The following SLC44A1 variants were observed in gnomAD, a reference collection of about 807,000 sequenced individuals.
SLC44A1 encodes the protein solute carrier family 44 member 1.
In SLC44A1, 26 loss-of-function variants were observed where a neutral mutation model predicts 79.3. The ratio of observed to expected loss-of-function variants is 0.33; its 90% CI spans 0.24 to 0.46. SLC44A1 has a LOEUF of 0.46. Ranked by LOEUF, SLC44A1 falls within the 20% of genes least tolerant of loss-of-function variation. SLC44A1 has a pLI of 1.00. For missense variants in SLC44A1, 688 were observed against 798.1 expected (o/e 0.86, Z 1.66); for synonymous variants, 263 against 286.2 (o/e 0.92, Z 0.82).
Position 105,358,430 on chromosome 9 carries a change from C to A in SLC44A1, c.757C>A (p.Leu253Ile). ...AACGATTCTGGTCATACTCGGTTCACTTGGTAAGCTATTTATTTCTTTGTT... is the reference window on the plus strand; with the variant it reads ...AACGATTCTGGTCATACTCGGTTCAATTGGTAAGCTATTTATTTCTTTGTT... ...ILTILVILGS[L>I]GGTGVLWWLY... The change falls in exon 7 of 16, where the codon CTT becomes ATT. Residue 253 changes from leucine (L) to isoleucine (I), a missense_variant. Transcript: ENST00000374720. 4 of 1,542,714 alleles carry A rather than the reference C, an allele frequency of 2.6e-6. No individual in the cohort carries two copies. The highest frequency in any genetic ancestry group is 3.6e-6 in the Non-Finnish European group (4 of 1,115,868).
At chr9:105,288,585 G>T (rs1830530189) in intron 1 of SLC44A1, among the ~76,000 whole-genome samples, 1 of 152,188 alleles carries the variant, frequency 6.6e-6, no homozygotes, top group African/African-American at 2.4e-5. Context: ...CTGGGATTAA[G>T]CGATCCTCTA....
At chr9:105,324,775 T>C (rs1469342730) in intron 3 of SLC44A1, among the ~76,000 whole-genome samples, 2 of 152,144 alleles carry the variant, frequency 1.3e-5, no homozygotes, top group Non-Finnish European at 2.9e-5. Flanking sequence ...TCATTAGCTA[T>C]CAAGAAATGC....
At chr9:105,400,330 A>C (rs1004267926), downstream of SLC44A1, among the ~76,000 whole-genome samples, 1 of 151,838 alleles carries the variant, frequency 6.6e-6, no homozygotes, top group Non-Finnish European at 1.5e-5. Context: ...CTCTACTAAA[A>C]ATACAAAAAT....
rs1199288809 is a variant in SLC44A1 at position 105,374,682 on chromosome 9, T to C, written c.1579T>C (p.Leu527=). 6.2e-7 allele frequency: 1 copy of C among 1,613,410 alleles called. No individual in the cohort carries two copies. The highest frequency in any genetic ancestry group is 8.5e-7 in the Non-Finnish European group (1 of 1,179,332). The change falls in exon 13 of 16, where the codon TTG becomes CTG. Residue 527 remains leucine, a synonymous_variant. Transcript: ENST00000374720. ...DAFVILVENA[L]RVATINTVGD... ...CTTTGTCATTCTGGTGGAGAATGCT[T>C]TGCGAGTGGCTACCATCAACACAGT...
At chr9:105,265,477 T>C (rs1254278779) in intron 1 of SLC44A1, among the ~76,000 whole-genome samples, 2 of 152,266 alleles carry the variant, frequency 1.3e-5, no homozygotes, top group African/African-American at 4.8e-5. Flanking sequence ...AATAGTTTGT[T>C]TTTATGGCTA....
At position 105,393,998 on chromosome 9, in the gene SLC44A1, T is replaced by C. The variant is rs1828821587; in HGVS notation, c.*4942T>C. 1.0e-6 allele frequency: 1 copy of C among 984,396 alleles called. No individual in the cohort carries two copies. The highest frequency in any genetic ancestry group is 1.7e-5 in the African/African-American group (1 of 57,236). The allele number at this position is 984,396 out of a possible 1,614,324, so 61.0% of individuals were successfully genotyped here. ...TAATATTTGATATTCAAAAACAAGTTATTTTGAAGAGACAATGGGTCTCTT... is the reference window on the plus strand; with the variant it reads ...TAATATTTGATATTCAAAAACAAGTCATTTTGAAGAGACAATGGGTCTCTT... On this transcript the variant is annotated 3_prime_UTR_variant, in exon 16 of 16. Transcript: ENST00000374720.
downstream of SLC44A1, among the ~76,000 whole-genome samples, chr9:105,398,893 C>G (rs1828920599): frequency 6.6e-6 from 1 of 152,116 alleles, no homozygotes; most frequent in Non-Finnish European, 1.5e-5. Flanking sequence ...TTGTCTTGGG[C>G]CGCACATAAA....
At chr9:105,257,253 C>T (rs112146412) in intron 1 of SLC44A1, among the ~76,000 whole-genome samples, 30 of 152,160 alleles carry the variant, frequency 2.0e-4, no homozygotes, top group African/African-American at 6.5e-4. Flanking sequence ...TGTGCCACCA[C>T]GCCTGGCTAA....
At chr9:105,265,522 A>G (rs1043635995) in intron 1 of SLC44A1, among the ~76,000 whole-genome samples, 1 of 152,198 alleles carries the variant, frequency 6.6e-6, no homozygotes, top group Non-Finnish European at 1.5e-5. Context: ...ATCATAGTTT[A>G]TTCACCAGTT....
chr9:105,287,133 G>C (rs1210443237), intron 1 of SLC44A1, among the ~76,000 whole-genome samples: 1 of 152,152 alleles, frequency 6.6e-6, no homozygotes, highest in Non-Finnish European at 1.5e-5. Flanking sequence ...TGAATGAATG[G>C]ATTTTTAAGT....
intron 12 of SLC44A1, among the ~76,000 whole-genome samples, chr9:105,371,697 C>T (rs1039035066): frequency 8.7e-6 from 1 of 114,436 alleles, no homozygotes; most frequent in Non-Finnish European, 1.6e-5. Flanking sequence ...TCAGCCTGGG[C>T]GACAGAGTGA....
chr9:105,343,452 C>T (rs761775931), intron 4 of SLC44A1, among the ~76,000 whole-genome samples: 4 of 152,136 alleles, frequency 2.6e-5, no homozygotes, highest in Non-Finnish European at 5.9e-5. Flanking sequence ...TTAGATTAAT[C>T]AGTATCAATA....
At chr9:105,264,415 C>T (rs1829912453) in intron 1 of SLC44A1, among the ~76,000 whole-genome samples, 1 of 152,174 alleles carries the variant, frequency 6.6e-6, no homozygotes, top group African/African-American at 2.4e-5. Context: ...GATCCTCCTG[C>T]TTTGGCCTCC....
intron 1 of SLC44A1, among the ~76,000 whole-genome samples, chr9:105,285,976 C>T (rs1215156241): frequency 6.6e-6 from 1 of 152,140 alleles, no homozygotes; most frequent in Non-Finnish European, 1.5e-5. Context: ...TGGCATGTGC[C>T]CGTGGTCCCA....
At chr9:105,304,107 G>A (rs972822395) in intron 2 of SLC44A1, among the ~76,000 whole-genome samples, 7 of 152,222 alleles carry the variant, frequency 4.6e-5, no homozygotes, top group Non-Finnish European at 1.5e-5. Context: ...ATCTGGAATA[G>A]AGTTGGATTT....
intron 13 of SLC44A1, among the ~76,000 whole-genome samples, chr9:105,376,293 G>C (rs1828280164): frequency 7.0e-6 from 1 of 142,670 alleles, no homozygotes. Flanking sequence ...AAGCAACTTA[G>C]AATAAAAGTA....
chr9:105,254,114 C>T (rs1264913730), intron 1 of SLC44A1, among the ~76,000 whole-genome samples: 1 of 152,204 alleles, frequency 6.6e-6, no homozygotes, highest in Non-Finnish European at 1.5e-5. Context: ...AATTGATTAT[C>T]TCCTATAGGT....
intron 5 of SLC44A1, among the ~76,000 whole-genome samples, chr9:105,349,907 G>C (rs1169966495): frequency 1.3e-5 from 2 of 152,136 alleles, no homozygotes; most frequent in Non-Finnish European, 2.9e-5. Context: ...CCCCGCCTCT[G>C]ACCTCTGATG....
At chr9:105,310,214 A>G (rs1033411705) in intron 3 of SLC44A1, among the ~76,000 whole-genome samples, 7 of 151,994 alleles carry the variant, frequency 4.6e-5, no homozygotes, top group Non-Finnish European at 8.8e-5. Context: ...TTCCTCTAAG[A>G]TTATGCTTAA....
Sources: allele counts gnomAD v4.1 joint callset (sites outside exome capture counted in the v4.1 genomes callset), GRCh38; gene constraint gnomAD v4.1.1; transcripts MANE v1.5; gene names NCBI Gene and HGNC (gene_info 2026-07-23, HGNC 2026-07-21).